PDE8A: variants seen among roughly 807,000 people sequenced by gnomAD.
PDE8A encodes the protein high affinity cAMP-specific and IBMX-insensitive 3',5'-cyclic phosphodiesterase 8A.
PDE8A carries 59 observed loss-of-function variants against 105.0 expected under a neutral mutation model. That is an observed-to-expected ratio of 0.56 (90% CI 0.46 to 0.70). The LOEUF is 0.70. Ranked by LOEUF, PDE8A falls within the 30% of genes least tolerant of loss-of-function variation. The probability of loss-of-function intolerance (pLI) is 0.00; values close to 1 mark genes in which losing one functional copy is unlikely to be tolerated. For synonymous variants in PDE8A, 355 were observed against 371.9 expected, an observed-to-expected ratio of 0.95 and a Z score of 0.52; for missense variants, 1,014 against 1,045.9, an observed-to-expected ratio of 0.97 and a Z score of 0.42.
chr15:85,099,602 C>G (rs2081822833), intron 9 of PDE8A, among the ~76,000 whole-genome samples: 1 of 152,216 alleles, frequency 6.6e-6, no homozygotes, highest in Non-Finnish European at 1.5e-5. Flanking sequence ...TGAACCTCAA[C>G]TCCCAGTGTG....
chr15:85,031,253 A>G (rs1027834939), intron 1 of PDE8A, among the ~76,000 whole-genome samples: 1 of 152,254 alleles, frequency 6.6e-6, no homozygotes, highest in Non-Finnish European at 1.5e-5. Context: ...CCTAGGCCAC[A>G]TAATGATGAG....
At chr15:85,079,376 A>G (rs1011152006) in intron 5 of PDE8A, among the ~76,000 whole-genome samples, 1 of 152,186 alleles carries the variant, frequency 6.6e-6, no homozygotes, top group African/African-American at 2.4e-5. Context: ...GAAATGTTCT[A>G]TGTGGGAAAT....
chr15:85,068,624 T>G (rs1470582309), intron 3 of PDE8A, among the ~76,000 whole-genome samples: 2 of 150,638 alleles, frequency 1.3e-5, no homozygotes, highest in African/African-American at 5.0e-5. Flanking sequence ...CTAAATTACA[T>G]GGTGCTTGGT....
intron 1 of PDE8A, among the ~76,000 whole-genome samples, chr15:85,061,848 C>T (rs566961978): frequency 3.3e-5 from 5 of 152,220 alleles, no homozygotes; most frequent in African/African-American, 9.6e-5. Flanking sequence ...TAAGTGTGCT[C>T]ATTCTTTCTT....
intron 1 of PDE8A, among the ~76,000 whole-genome samples, chr15:85,001,824 C>CT (rs1223306608): frequency 1.3e-5 from 2 of 152,176 alleles, no homozygotes; most frequent in African/African-American, 4.8e-5. Context: ...CTGGAAATAA[C>CT]TAAGACTGGT....
chr15:85,034,491 C>G (rs186425809), intron 1 of PDE8A, among the ~76,000 whole-genome samples: 156 of 152,122 alleles, frequency 1.0e-3, no homozygotes, highest in Non-Finnish European at 6.2e-4. Flanking sequence ...ATATAACTAA[C>G]CACCTGTGGG....
chr15:85,072,231 G>C (rs1430135992), intron 3 of PDE8A, among the ~76,000 whole-genome samples: 1 of 152,202 alleles, frequency 6.6e-6, no homozygotes, highest in Admixed American at 6.5e-5. Context: ...AAGTAATGGA[G>C]TTGTGCTTTT....
At chr15:84,983,975 C>G (rs147381782) in intron 1 of PDE8A, among the ~76,000 whole-genome samples, 3 of 152,336 alleles carry the variant, frequency 2.0e-5, no homozygotes, top group African/African-American at 7.2e-5. Flanking sequence ...TCTGTATTGG[C>G]AGACCATTGT....
At chr15:84,997,677 C>G (rs1403943339) in intron 1 of PDE8A, among the ~76,000 whole-genome samples, 2 of 152,154 alleles carry the variant, frequency 1.3e-5, no homozygotes, top group African/African-American at 2.4e-5. Flanking sequence ...ACCGCAATCC[C>G]TGCCTCCCAG....
chr15:85,098,996 T>C (rs2081809649), intron 9 of PDE8A, among the ~76,000 whole-genome samples: 2 of 151,930 alleles, frequency 1.3e-5, no homozygotes, highest in Non-Finnish European at 2.9e-5. Flanking sequence ...AAGGTTATGA[T>C]ACAATGTTAA....
At chr15:85,126,176 T>C (rs756897305) in intron 19 of PDE8A, 31 bp from the exon 20 acceptor site, 3 of 1,565,770 alleles carry the variant, frequency 1.9e-6, no homozygotes, top group African/African-American at 1.4e-5. Flanking sequence ...GGGATCCATT[T>C]TGATTGCTTT....
At chr15:85,105,784 G>C (rs545719550) in intron 11 of PDE8A, among the ~76,000 whole-genome samples, 9 of 152,206 alleles carry the variant, frequency 5.9e-5, no homozygotes, top group Non-Finnish European at 1.3e-4. Flanking sequence ...CTCAGGATGA[G>C]TATGTGTTTT....
At chr15:85,110,467 A>G (rs1316645683) in intron 12 of PDE8A, among the ~76,000 whole-genome samples, 1 of 152,188 alleles carries the variant, frequency 6.6e-6, no homozygotes, top group Non-Finnish European at 1.5e-5. Context: ...CACATTATTA[A>G]CCATGCAGAA....
chr15:85,002,029 C>T (rs2080075665), intron 1 of PDE8A, among the ~76,000 whole-genome samples: 1 of 151,964 alleles, frequency 6.6e-6, no homozygotes, highest in East Asian at 1.9e-4. Flanking sequence ...GTCTTGAATT[C>T]CTGGCCTCAA....
intron 5 of PDE8A, among the ~76,000 whole-genome samples, chr15:85,081,356 G>C (rs1420521497): frequency 6.6e-6 from 1 of 152,168 alleles, no homozygotes; most frequent in African/African-American, 2.4e-5. Flanking sequence ...TAGGGAGTCT[G>C]TTTCAGTTGG....
chr15:85,048,141 A>G (rs1446688862), intron 1 of PDE8A, among the ~76,000 whole-genome samples: 1 of 152,028 alleles, frequency 6.6e-6, no homozygotes, highest in Non-Finnish European at 1.5e-5. Flanking sequence ...TCTTTGATTC[A>G]TTACTTTTGT....
intron 9 of PDE8A, among the ~76,000 whole-genome samples, chr15:85,098,355 T>G (rs1183545841): frequency 6.6e-6 from 1 of 152,232 alleles, no homozygotes; most frequent in Admixed American, 6.5e-5. Flanking sequence ...CTCCCTATAT[T>G]GAAAAGATTT....
chr15:85,081,332 C>T (rs951597174), intron 5 of PDE8A, among the ~76,000 whole-genome samples: 2 of 152,150 alleles, frequency 1.3e-5, no homozygotes, highest in Non-Finnish European at 2.9e-5. Context: ...TTAGAATCAC[C>T]TGAATAACAT....
At chr15:85,040,239 T>TCCAG (rs2080779547) in intron 1 of PDE8A, among the ~76,000 whole-genome samples, 1 of 152,008 alleles carries the variant, frequency 6.6e-6, no homozygotes, top group East Asian at 1.9e-4. Context: ...GCCCAGGAGT[T>TCCAG]CCAGGCCAGC....
Sources: gnomAD v4.1 joint callset for allele counts (sites outside exome capture counted in the v4.1 genomes callset) on GRCh38, gnomAD v4.1.1 for gene constraint, MANE v1.5 for transcripts, NCBI Gene and HGNC (gene_info 2026-07-23, HGNC 2026-07-21) for gene names.